PEMT: variants seen among roughly 807,000 people sequenced by gnomAD.
PEMT encodes the protein phospholipid methyltransferase.
A neutral mutation model predicts 27.4 loss-of-function variants in PEMT; 23 were observed. That is an observed-to-expected ratio of 0.84 (90% CI 0.60 to 1.19). The LOEUF (loss-of-function observed/expected upper bound fraction) is 1.19, where lower values mean the gene tolerates loss of function less well. Ranked by LOEUF, PEMT falls within the 50% of genes most tolerant of loss-of-function variation. PEMT has a pLI of 0.00. For synonymous variants in PEMT, 137 were observed against 139.1 expected (o/e 0.98, Z 0.11); for missense variants, 307 against 310.1 (o/e 0.99, Z 0.07).
At chr17:17,538,778 T>C (rs1908673549) in intron 2 of PEMT, among the ~76,000 whole-genome samples, 1 of 152,164 alleles carries the variant, frequency 6.6e-6, no homozygotes, top group African/African-American at 2.4e-5. Context: ...ATTAACCAAA[T>C]ATAGCACAAA....
intron 3 of PEMT, among the ~76,000 whole-genome samples, chr17:17,517,465 C>T (rs538854958): frequency 1.3e-5 from 2 of 152,352 alleles, no homozygotes; most frequent in East Asian, 3.9e-4. Flanking sequence ...CATGCCCTCC[C>T]TCCTTCATGC....
At chr17:17,585,859 T>C (rs1185335018) in intron 1 of PEMT, among the ~76,000 whole-genome samples, 1 of 151,530 alleles carries the variant, frequency 6.6e-6, no homozygotes, top group Non-Finnish European at 1.5e-5. Context: ...GAGGCGGGCG[T>C]ATCATGAAGT....
chr17:17,584,661 G>A (rs897707599), intron 1 of PEMT, among the ~76,000 whole-genome samples: 26 of 152,184 alleles, frequency 1.7e-4, no homozygotes, highest in African/African-American at 6.3e-4. Flanking sequence ...GAACCTGCTA[G>A]GTGCTACTGT....
chr17:17,519,502 C>T (rs908728532), intron 3 of PEMT, among the ~76,000 whole-genome samples: 4 of 152,282 alleles, frequency 2.6e-5, no homozygotes, highest in South Asian at 2.1e-4. Flanking sequence ...TCCCAGGCCC[C>T]GGGATCCAAG....
intron 3 of PEMT, chr17:17,518,066 C>T: frequency 1.0e-6 from 1 of 985,552 alleles, no homozygotes. Context: ...CCAGAGCACA[C>T]AGGAGCCTCT....
intron 1 of PEMT, among the ~76,000 whole-genome samples, chr17:17,585,942 G>A (rs966694912): frequency 6.6e-6 from 1 of 151,674 alleles, no homozygotes; most frequent in Non-Finnish European, 1.5e-5. Context: ...AATTAGCTGG[G>A]CGTGGTGGCA....
intron 3 of PEMT, among the ~76,000 whole-genome samples, chr17:17,514,992 G>A (rs1451907142): frequency 6.6e-6 from 1 of 152,190 alleles, no homozygotes. Context: ...GCAGGCCTCG[G>A]CCCGGCAGGG....
intron 1 of PEMT, among the ~76,000 whole-genome samples, chr17:17,584,921 G>T (rs993440639): frequency 1.3e-5 from 2 of 152,222 alleles, no homozygotes; most frequent in Non-Finnish European, 2.9e-5. Context: ...ATGAGAAAGT[G>T]CAAGGAAAGC....
chr17:17,584,267 C>A (rs1454352395), intron 1 of PEMT, among the ~76,000 whole-genome samples: 1 of 152,198 alleles, frequency 6.6e-6, no homozygotes, highest in Non-Finnish European at 1.5e-5. Context: ...TCACGCCATT[C>A]TCCTGCCTCA....
intron 5 of PEMT, chr17:17,507,276 G>A (rs1905952597): frequency 1.6e-6 from 2 of 1,216,958 alleles, no homozygotes; most frequent in Non-Finnish European, 2.3e-6. Flanking sequence ...CGGGCACAGA[G>A]GGCGCATGGG....
intron 4 of PEMT, among the ~76,000 whole-genome samples, chr17:17,510,904 A>G (rs1357883039): frequency 6.6e-6 from 1 of 152,052 alleles, no homozygotes; most frequent in Admixed American, 6.5e-5. Context: ...ACAGGACCTG[A>G]TTGCACAGCC....
chr17:17,551,466 C>A (rs566533503), intron 2 of PEMT, among the ~76,000 whole-genome samples: 1 of 152,220 alleles, frequency 6.6e-6, no homozygotes, highest in African/African-American at 2.4e-5. Context: ...GAAGCTGGCG[C>A]GGGCTTGCAG....
chr17:17,591,405 CACG>C, intron 1 of PEMT, 123 bp downstream of exon 1: 11 of 803,628 alleles, frequency 1.4e-5, no homozygotes, highest in East Asian at 5.9e-5. Context: ...CCCGCCACGC[CACG>C]CCCCCATTGC....
At chr17:17,587,678 C>A (rs1038991381) in intron 1 of PEMT, among the ~76,000 whole-genome samples, 8 of 152,050 alleles carry the variant, frequency 5.3e-5, no homozygotes, top group African/African-American at 1.9e-4. Flanking sequence ...GCCTGGCCAA[C>A]AACCCTGTCG....
At chr17:17,569,699 G>A (rs1239657794) in intron 2 of PEMT, among the ~76,000 whole-genome samples, 1 of 152,202 alleles carries the variant, frequency 6.6e-6, no homozygotes, top group Non-Finnish European at 1.5e-5. Flanking sequence ...GTTCCAACTT[G>A]CTATGTCTCC....
chr17:17,570,477 G>A (rs1047237465), intron 2 of PEMT: 2 of 980,916 alleles, frequency 2.0e-6, no homozygotes, highest in Non-Finnish European at 2.4e-6. Context: ...CTGGACACCT[G>A]TAGTGCCAGG....
chr17:17,556,383 T>C (rs970175173), intron 2 of PEMT, among the ~76,000 whole-genome samples: 28 of 152,022 alleles, frequency 1.8e-4, no homozygotes, highest in African/African-American at 6.8e-4. Context: ...TCTCACTTTT[T>C]TTTTTTTTTA....
chr17:17,512,602 C>A lies in PEMT; in HGVS notation c.373G>T (p.Ala125Ser). Reference protein sequence around the residue: ...QPRMESLDTPAAYSLGLALLG... With the variant: ...QPRMESLDTPSAYSLGLALLG... ...AGCGCGAGGCCCAGGCTGTAGGCCG[C>A]GGGGGTGTCCAGGCTCTCCATCCTG... The change falls in exon 4 of 7, where the codon GCG becomes TCG. Residue 125 changes from alanine to serine, a missense_variant. Ala to Ser is a moderately conservative substitution (Grantham distance 99). Transcript: ENST00000255389. The surrounding 1 kb of genome is among the most constrained non-coding windows in gnomAD (Gnocchi z 6.3). 10 of 1,600,358 alleles carry A rather than the reference C, an allele frequency of 6.2e-6. No homozygotes were observed. The highest frequency in any genetic ancestry group is 8.5e-6 in the Non-Finnish European group (10 of 1,172,582).
At chr17:17,541,265 G>A (rs935739823) in intron 2 of PEMT, among the ~76,000 whole-genome samples, 4 of 152,180 alleles carry the variant, frequency 2.6e-5, no homozygotes, top group Non-Finnish European at 5.9e-5. Context: ...CCTCACGCAC[G>A]GACAGGTGCG....
Sources: gnomAD v4.1 joint callset for allele counts (sites outside exome capture counted in the v4.1 genomes callset) on GRCh38, gnomAD v4.1.1 for gene constraint, Gnocchi (gnomAD v3.1) non-coding constraint, MANE v1.5 for transcripts, NCBI Gene and HGNC (gene_info 2026-07-23, HGNC 2026-07-21) for gene names.